The following LMO7 variants were observed in gnomAD, a reference collection of about 807,000 sequenced individuals.
The protein encoded by LMO7 is LIM domain only protein 7.
Under a neutral mutation model 206.5 loss-of-function variants are expected in LMO7, and 120 were observed. That is an observed-to-expected ratio of 0.58 (90% confidence interval 0.50 to 0.68). The LOEUF (loss-of-function observed/expected upper bound fraction) is 0.68. Among genes scored for constraint, LMO7 ranks in the 30% least tolerant of loss-of-function variants. The pLI is 0.00. For missense variants in LMO7, 1,959 were observed against 1,957.9 expected (o/e 1.00, Z -0.01); for synonymous variants, 706 against 681.5 (o/e 1.04, Z -0.56).
chr13:75,676,765 A>T (rs1261930709), intron 1 of LMO7, among the ~76,000 whole-genome samples: 1 of 152,082 alleles, frequency 6.6e-6, no homozygotes, highest in Admixed American at 6.6e-5. Flanking sequence ...GTTGAGGATA[A>T]CCCCCTCCCA....
At chr13:75,834,200 T>C (rs907754938) in intron 16 of LMO7, 26 bp from the exon 17 acceptor site, 23 of 1,542,918 alleles carry the variant, frequency 1.5e-5, no homozygotes, top group East Asian at 7.1e-5. Context: ...TTTTCCCCAA[T>C]TGGTTAATTT....
chr13:75,775,944 C>T (rs1218374491), intron 4 of LMO7, among the ~76,000 whole-genome samples: 1 of 150,916 alleles, frequency 6.6e-6, no homozygotes, highest in Non-Finnish European at 1.5e-5. Flanking sequence ...ACCATTTGAG[C>T]CAGCAGTCAT....
intron 3 of LMO7, among the ~76,000 whole-genome samples, chr13:75,756,692 G>A (rs2047706465): frequency 6.6e-6 from 1 of 152,120 alleles, no homozygotes; most frequent in Non-Finnish European, 1.5e-5. Context: ...ATTGCATGTT[G>A]GGAGTGTGGG....
chr13:75,624,867 C>T (rs2033824015), intron 2 of LMO7, among the ~76,000 whole-genome samples: 3 of 152,136 alleles, frequency 2.0e-5, no homozygotes, highest in Admixed American at 1.3e-4. Context: ...GGTGGAGACA[C>T]AGCAAAACCA....
At chr13:75,796,507 A>C in intron 5 of LMO7, 129 bp from the exon 6 acceptor site, 3 of 602,274 alleles carry the variant, frequency 5.0e-6, no homozygotes, top group Non-Finnish European at 8.9e-6. Context: ...ATAAACTTAA[A>C]AGAAAGTCTA....
At chr13:75,649,439 T>C (rs1378369267) in intron 1 of LMO7, among the ~76,000 whole-genome samples, 1 of 152,214 alleles carries the variant, frequency 6.6e-6, no homozygotes, top group Non-Finnish European at 1.5e-5. Context: ...AGTAGGATTA[T>C]GAATAGTGTT....
At chr13:75,805,951 C>A in intron 9 of LMO7, 191 bp downstream of exon 9, 2 of 1,136,742 alleles carry the variant, frequency 1.8e-6, no homozygotes, top group Non-Finnish European at 2.4e-6. Flanking sequence ...TCTTAAAAAG[C>A]CCTGTTCTAT....
intron 11 of LMO7, among the ~76,000 whole-genome samples, chr13:75,815,368 C>T (rs898672983): frequency 6.6e-6 from 1 of 151,910 alleles, no homozygotes; most frequent in Non-Finnish European, 1.5e-5. Flanking sequence ...CTGACGGGAC[C>T]AGTTATGGTA....
At chr13:75,686,872 G>C (rs1226791046) in intron 1 of LMO7, among the ~76,000 whole-genome samples, 1 of 152,078 alleles carries the variant, frequency 6.6e-6, no homozygotes, top group Non-Finnish European at 1.5e-5. Context: ...CCACTTCCTG[G>C]TTCATAGCTG....
chr13:75,626,432 G>A (rs1454132860), intron 2 of LMO7, among the ~76,000 whole-genome samples: 1 of 139,572 alleles, frequency 7.2e-6, no homozygotes. Flanking sequence ...GACGAGAAAA[G>A]CAGGGGAAAA....
chr13:75,742,624 A>G (rs1426954560), intron 3 of LMO7, among the ~76,000 whole-genome samples: 1 of 152,232 alleles, frequency 6.6e-6, no homozygotes, highest in Non-Finnish European at 1.5e-5. Context: ...CAATGAGGAA[A>G]GGACTCCCTA....
In LMO7 at chr13:75,823,750, A is replaced by C; in HGVS notation, c.2826A>C (p.Ser942=). The change falls in exon 15 of 31, where the codon TCA becomes TCC. Residue 942 remains serine, a synonymous_variant. Transcript: ENST00000377534. The part of the protein sequence containing the change: ...TRLPSPTSPF[S]SLSQDQAATS... Reference sequence around the variant, plus strand: ...TGCCCTCTCCTACATCCCCCTTCTCATCTCTTTCCCAAGACCAGGCTGCCA... The same window carrying C: ...TGCCCTCTCCTACATCCCCCTTCTCCTCTCTTTCCCAAGACCAGGCTGCCA... 6.2e-7 allele frequency: 1 copy of C among 1,614,114 alleles called. No homozygotes were observed. Among genetic ancestry groups the C allele is most frequent in the Non-Finnish European group, 8.5e-7 (1 of 1,180,000 alleles).
At chr13:75,621,918 A>C in intron 1 of LMO7, 2 of 1,359,150 alleles carry the variant, frequency 1.5e-6, no homozygotes, top group Non-Finnish European at 9.8e-7. Flanking sequence ...GAAAGAACTA[A>C]GGCAGAGCAT....
intron 1 of LMO7, among the ~76,000 whole-genome samples, chr13:75,705,062 G>A (rs2042556332): frequency 6.6e-6 from 1 of 152,202 alleles, no homozygotes. Context: ...TTTGGCAGAG[G>A]TGTTGGTGCG....
At chr13:75,758,744 T>C (rs1239637242) in intron 3 of LMO7, among the ~76,000 whole-genome samples, 1 of 152,218 alleles carries the variant, frequency 6.6e-6, no homozygotes, top group Non-Finnish European at 1.5e-5. Context: ...TATGTTTGTA[T>C]GAAATATGTG....
chr13:75,636,292 C>T, upstream of LMO7: 1 of 1,073,814 alleles, frequency 9.3e-7, no homozygotes, highest in Non-Finnish European at 1.1e-6. Flanking sequence ...GGGGCCACCG[C>T]GGGGAGGACG....
At chr13:75,699,894 A>T (rs1049673076) in intron 1 of LMO7, among the ~76,000 whole-genome samples, 2 of 152,184 alleles carry the variant, frequency 1.3e-5, no homozygotes, top group Admixed American at 1.3e-4. Flanking sequence ...ACCAGGGCGT[A>T]TTTTATCCCT....
At chr13:75,631,021 T>C (rs2034872726) in intron 2 of LMO7, among the ~76,000 whole-genome samples, 1 of 150,980 alleles carries the variant, frequency 6.6e-6, no homozygotes, top group African/African-American at 2.5e-5. Flanking sequence ...CTTTTACTTT[T>C]TATTATTATT....
At chr13:75,654,612 A>G (rs567083706) in intron 1 of LMO7, among the ~76,000 whole-genome samples, 1 of 151,732 alleles carries the variant, frequency 6.6e-6, no homozygotes, top group Non-Finnish European at 1.5e-5. Context: ...CATAGAATAC[A>G]TTTTCCTCTG....
Sources: allele counts gnomAD v4.1 joint callset (sites outside exome capture counted in the v4.1 genomes callset), GRCh38; gene constraint gnomAD v4.1.1; transcripts MANE v1.5; gene names NCBI Gene and HGNC (gene_info 2026-07-23, HGNC 2026-07-21).